The following SDK1 variants were observed in gnomAD, a reference collection of about 807,000 sequenced individuals.
The protein encoded by SDK1 is protein sidekick-1.
SDK1 carries 157 observed loss-of-function variants against 245.5 expected under a neutral mutation model. The ratio of observed to expected loss-of-function variants is 0.64; its 90% CI spans 0.56 to 0.73. The LOEUF is 0.73. Ranked by LOEUF, SDK1 falls within the 30% of genes least tolerant of loss-of-function variation. The pLI is 0.00. For synonymous variants in SDK1, 1,647 were observed against 1,278.5 expected (o/e 1.29, Z -6.15); for missense variants, 3,583 against 3,002.3 (o/e 1.19, Z -4.52).
chr7:3,932,341 G>C (rs970230919), intron 5 of SDK1, among the ~76,000 whole-genome samples: 1 of 152,168 alleles, frequency 6.6e-6, no homozygotes, highest in Admixed American at 6.5e-5. Context: ...GTCAACTTTA[G>C]ATTTATTGTC....
At chr7:3,419,139 G>C (rs1779464741) in intron 1 of SDK1, among the ~76,000 whole-genome samples, 1 of 152,162 alleles carries the variant, frequency 6.6e-6, no homozygotes, top group Admixed American at 6.5e-5. Context: ...GTTGTTCAAG[G>C]GTCAGACTGT....
chr7:3,467,826 C>T (rs1441043034), intron 1 of SDK1, among the ~76,000 whole-genome samples: 1 of 151,826 alleles, frequency 6.6e-6, no homozygotes, highest in Non-Finnish European at 1.5e-5. Flanking sequence ...AGTCTTTTTC[C>T]CTTAGCATTA....
chr7:3,712,526 A>G (rs1785077899), intron 4 of SDK1, among the ~76,000 whole-genome samples: 1 of 152,120 alleles, frequency 6.6e-6, no homozygotes, highest in South Asian at 2.1e-4. Flanking sequence ...ACCATCCCCC[A>G]ACCCTCTGGT....
intron 1 of SDK1, among the ~76,000 whole-genome samples, chr7:3,518,685 C>G (rs1215763580): frequency 6.6e-6 from 1 of 151,954 alleles, no homozygotes; most frequent in African/African-American, 2.4e-5. Flanking sequence ...AAAAAACATG[C>G]TGGCAATGAT....
At chr7:3,998,053 G>A (rs190251319) in intron 14 of SDK1, among the ~76,000 whole-genome samples, 1 of 152,344 alleles carries the variant, frequency 6.6e-6, no homozygotes, top group African/African-American at 2.4e-5. Context: ...AGAGGGCAGG[G>A]ATCCTGCCTG....
intron 25 of SDK1, among the ~76,000 whole-genome samples, chr7:4,115,205 G>A (rs555002619): frequency 3.9e-5 from 6 of 152,336 alleles, no homozygotes; most frequent in Admixed American, 3.3e-4. Flanking sequence ...GGTTCTGTCT[G>A]GAGAAGGAAT....
At chr7:3,890,431 A>G (rs971788823) in intron 5 of SDK1, among the ~76,000 whole-genome samples, 1 of 152,214 alleles carries the variant, frequency 6.6e-6, no homozygotes, top group Admixed American at 6.5e-5. Flanking sequence ...GGTGAGATAA[A>G]CAACATCATT....
intron 1 of SDK1, among the ~76,000 whole-genome samples, chr7:3,354,647 A>G (rs1472899655): frequency 6.6e-6 from 1 of 152,220 alleles, no homozygotes; most frequent in African/African-American, 2.4e-5. Context: ...ATTAAATCAC[A>G]GAAGTTAATT....
At chr7:3,588,042 G>A (rs1780747282) in intron 1 of SDK1, among the ~76,000 whole-genome samples, 1 of 152,220 alleles carries the variant, frequency 6.6e-6, no homozygotes, top group Admixed American at 6.5e-5. Flanking sequence ...TTCAAATGTA[G>A]TAGGGATGTT....
chr7:3,711,779 C>A (rs1785058323), intron 4 of SDK1, among the ~76,000 whole-genome samples: 1 of 151,994 alleles, frequency 6.6e-6, no homozygotes, highest in African/African-American at 2.4e-5. Context: ...AGGTTCTTCC[C>A]ATTCTGAGTA....
At chr7:3,946,987 C>T (rs746039540) in intron 5 of SDK1, among the ~76,000 whole-genome samples, 4 of 152,188 alleles carry the variant, frequency 2.6e-5, no homozygotes, top group Non-Finnish European at 5.9e-5. Context: ...GTGTCTATTG[C>T]TAGTTCTTGA....
intron 40 of SDK1, among the ~76,000 whole-genome samples, chr7:4,231,975 C>T (rs927381622): frequency 3.3e-5 from 5 of 151,754 alleles, no homozygotes; most frequent in African/African-American, 1.2e-4. Flanking sequence ...CATAGCTGCA[C>T]CTAGAAAAGC....
At chr7:3,496,716 T>C (rs1055328281) in intron 1 of SDK1, among the ~76,000 whole-genome samples, 1 of 152,210 alleles carries the variant, frequency 6.6e-6, no homozygotes, top group Non-Finnish European at 1.5e-5. Context: ...CCGACTACTT[T>C]ACTTCTCCGT....
intron 1 of SDK1, among the ~76,000 whole-genome samples, chr7:3,485,683 G>GTTTTTTT (rs71552309): frequency 0.012 from 459 of 38,114 alleles, 74 homozygotes; most frequent in African/African-American, 0.039. Context: ...TCTTTGGAGG[G>GTTTTTTT]TTTTTTTTTT....
At chr7:4,038,123 C>G (rs796759444) in intron 17 of SDK1, among the ~76,000 whole-genome samples, 8 of 152,324 alleles carry the variant, frequency 5.3e-5, no homozygotes, top group African/African-American at 1.9e-4. Flanking sequence ...ATGGGTCATC[C>G]TGTGGCTAAC....
At chr7:3,622,517 T>G (rs1179434730) in intron 2 of SDK1, among the ~76,000 whole-genome samples, 1 of 152,182 alleles carries the variant, frequency 6.6e-6, no homozygotes, top group Non-Finnish European at 1.5e-5. Flanking sequence ...GTAACGGCTT[T>G]ATTTTAAATG....
At chr7:3,793,952 A>G (rs914828656) in intron 4 of SDK1, among the ~76,000 whole-genome samples, 3 of 152,156 alleles carry the variant, frequency 2.0e-5, no homozygotes, top group African/African-American at 7.2e-5. Context: ...AAAATCCTCT[A>G]CTGCTGAAGG....
intron 4 of SDK1, among the ~76,000 whole-genome samples, chr7:3,728,976 A>G (rs1006989201): frequency 2.6e-5 from 4 of 152,158 alleles, no homozygotes; most frequent in Non-Finnish European, 2.9e-5. Flanking sequence ...AAAAATTATG[A>G]AGGCAACTCG....
At position 4,132,397 on chromosome 7, in the gene SDK1, C is replaced by T. The variant is rs757269396; in HGVS notation, c.4202C>T (p.Pro1401Leu). ...TCCGTGCGGATAGTGTGGCAACCTC[C>T]GGAGGAGCCCAACGGCATCATCCTG... is the stretch of plus-strand genomic sequence containing the variant. ...LTSVRIVWQP[P>L]EEPNGIILGY... Residue 1401 changes from proline (P) to leucine (L), a missense_variant, in exon 28 of 45, where the codon CCG (proline) becomes CTG (leucine). Pro to Leu is a moderately conservative substitution (Grantham distance 98). Transcript: ENST00000404826. The T allele has an allele frequency of 1.9e-6, 3 of 1,612,180 alleles. No individual in the cohort carries two copies. The highest frequency in any genetic ancestry group is 1.3e-5 in the African/African-American group (1 of 74,906).
Sources: allele counts gnomAD v4.1 joint callset (sites outside exome capture counted in the v4.1 genomes callset), GRCh38; gene constraint gnomAD v4.1.1; transcripts MANE v1.5; gene names NCBI Gene and HGNC (gene_info 2026-07-23, HGNC 2026-07-21).